The following ASTN2 variants were observed in gnomAD, a reference collection of about 807,000 sequenced individuals.
ASTN2 encodes the protein astrotactin-2.
A neutral mutation model predicts 139.8 loss-of-function variants in ASTN2; 54 were observed. The ratio of observed to expected loss-of-function variants is 0.39; its 90% CI spans 0.31 to 0.48. The LOEUF is 0.48. Among genes scored for constraint, ASTN2 ranks in the 20% least tolerant of loss-of-function variants. The probability of loss-of-function intolerance (pLI) is 0.95; values close to 1 mark genes in which losing one functional copy is unlikely to be tolerated. For synonymous variants in ASTN2, 756 were observed against 719.5 expected (o/e 1.05, Z -0.81); for missense variants, 1,565 against 1,725.1 (o/e 0.91, Z 1.64).
At chr9:117,048,611 A>C (rs967632667) in intron 5 of ASTN2, among the ~76,000 whole-genome samples, 1 of 152,214 alleles carries the variant, frequency 6.6e-6, no homozygotes, top group Non-Finnish European at 1.5e-5. Flanking sequence ...TTGCAAGTGC[A>C]AAGGTCACTA....
chr9:116,640,218 G>A (rs913353103), intron 17 of ASTN2, among the ~76,000 whole-genome samples: 4 of 151,932 alleles, frequency 2.6e-5, no homozygotes, highest in African/African-American at 9.7e-5. Context: ...AATAGACTAG[G>A]GTTGGGTTGG....
intron 19 of ASTN2, among the ~76,000 whole-genome samples, chr9:116,502,433 G>C (rs1849897184): frequency 6.6e-6 from 1 of 151,768 alleles, no homozygotes; most frequent in Admixed American, 6.6e-5. Flanking sequence ...AGAGACAGAG[G>C]AGAAATGGAG....
At chr9:116,670,998 A>G (rs1859163366) in intron 16 of ASTN2, among the ~76,000 whole-genome samples, 1 of 152,182 alleles carries the variant, frequency 6.6e-6, no homozygotes, top group Admixed American at 6.5e-5. Context: ...AAAAAAATGT[A>G]TCTGCACAAG....
intron 20 of ASTN2, among the ~76,000 whole-genome samples, chr9:116,487,049 C>T (rs1318046421): frequency 6.6e-6 from 1 of 152,112 alleles, no homozygotes; most frequent in Non-Finnish European, 1.5e-5. Flanking sequence ...CCCAACCATC[C>T]TTGATAACTT....
rs2130987502 is a variant in ASTN2 at position 117,414,178 on chromosome 9, G to C, written c.442+319C>G. Reference sequence around the variant, plus strand: ...TCTGGGATGCTCCGGCCCCTAGCCAGAGCACCTTCAGTGAATGGGGTCTCC... The same window carrying C: ...TCTGGGATGCTCCGGCCCCTAGCCACAGCACCTTCAGTGAATGGGGTCTCC... On this transcript the variant is annotated intron_variant, in intron 1 of 22. Transcript: ENST00000313400. This position sits in a 1 kb window ranked among gnomAD's most constrained non-coding sequence, Gnocchi z 4.2. Among the ~76,000 whole-genome samples the C allele has an allele frequency of 6.6e-6, 1 of 152,104 alleles. No individual in the cohort carries two copies. The highest frequency in any genetic ancestry group is 2.0e-4 in the East Asian group (1 of 5,084).
chr9:116,664,511 C>T (rs965135604), intron 16 of ASTN2, among the ~76,000 whole-genome samples: 4 of 150,546 alleles, frequency 2.7e-5, no homozygotes, highest in Non-Finnish European at 5.9e-5. Flanking sequence ...CAATAGTTAT[C>T]TACAGGGGAA....
intron 10 of ASTN2, among the ~76,000 whole-genome samples, chr9:116,919,940 C>CAA (rs35192686): frequency 1.1e-4 from 14 of 128,864 alleles, no homozygotes; most frequent in African/African-American, 2.5e-4. Context: ...GAATCTGTCT[C>CAA]AAAAAAAAAA....
intron 2 of ASTN2, among the ~76,000 whole-genome samples, chr9:117,249,956 C>A (rs1342854855): frequency 6.6e-6 from 1 of 152,192 alleles, no homozygotes; most frequent in African/African-American, 2.4e-5. Flanking sequence ...TAGAAACTCA[C>A]TAACCGCCCA....
intron 19 of ASTN2, among the ~76,000 whole-genome samples, chr9:116,564,861 C>T (rs2131671601): frequency 6.6e-6 from 1 of 152,150 alleles, no homozygotes; most frequent in Admixed American, 6.5e-5. Context: ...TTCATAAATG[C>T]ATACACAGAT....
intron 2 of ASTN2, among the ~76,000 whole-genome samples, chr9:117,261,389 A>G (rs1017203789): frequency 9.2e-5 from 14 of 152,282 alleles, no homozygotes; most frequent in African/African-American, 3.4e-4. Context: ...TAGGCAGCAG[A>G]TCTGTTCAAT....
At chr9:117,271,928 G>A (rs1030853928) in intron 2 of ASTN2, among the ~76,000 whole-genome samples, 15 of 152,266 alleles carry the variant, frequency 9.9e-5, no homozygotes, top group African/African-American at 3.6e-4. Context: ...CACTGCACAA[G>A]CTGTTGATGG....
intron 11 of ASTN2, among the ~76,000 whole-genome samples, chr9:116,839,793 C>T (rs1351502054): frequency 2.6e-5 from 4 of 151,550 alleles, no homozygotes; most frequent in African/African-American, 9.7e-5. Context: ...TCCTCAGCCT[C>T]CTGAGTAGCC....
At chr9:117,384,115 T>A (rs1468687258) in intron 1 of ASTN2, among the ~76,000 whole-genome samples, 1 of 152,066 alleles carries the variant, frequency 6.6e-6, no homozygotes, top group Non-Finnish European at 1.5e-5. Flanking sequence ...ATATGGGCGG[T>A]GGGACTGAGC....
chr9:116,735,755 G>A (rs1382303409), intron 13 of ASTN2, among the ~76,000 whole-genome samples: 1 of 152,256 alleles, frequency 6.6e-6, no homozygotes, highest in Admixed American at 6.5e-5. Flanking sequence ...GGCTAAGGGT[G>A]AGGAGGTAGC....
chr9:117,134,416 G>T (rs1010196226), intron 4 of ASTN2, among the ~76,000 whole-genome samples: 1 of 151,242 alleles, frequency 6.6e-6, no homozygotes, highest in African/African-American at 2.4e-5. Context: ...AAGGATAAAG[G>T]AGCCAGAATT....
rs537046356 is a variant in ASTN2, at chr9:117,390,533, A to T, written c.442+23964T>A. On this transcript the variant is annotated intron_variant, in intron 1 of 22. Transcript: ENST00000313400. ...CCCTCCCTACTAGTCCTGACAACTG[A>T]TCTTTTTCTTGTCTCCATAGTCTTG... 9.2e-5 allele frequency among the ~76,000 whole-genome samples: 14 copies of T among 152,250 alleles called. No homozygotes were observed. In the South Asian group the frequency reaches 1.4e-3, roughly 16 times the overall value.
chr9:117,382,393 G>A (rs556803471), intron 1 of ASTN2, among the ~76,000 whole-genome samples: 1 of 152,312 alleles, frequency 6.6e-6, no homozygotes, highest in African/African-American at 2.4e-5. Flanking sequence ...GCCAGAGACT[G>A]AACAAGGCAT....
intron 1 of ASTN2, among the ~76,000 whole-genome samples, chr9:117,324,269 G>A (rs541234104): frequency 6.6e-6 from 1 of 152,272 alleles, no homozygotes; most frequent in African/African-American, 2.4e-5. Flanking sequence ...GGAAACAATA[G>A]ATCCAAATAT....
chr9:116,660,609 C>A (rs1426950296), intron 16 of ASTN2, among the ~76,000 whole-genome samples: 1 of 152,186 alleles, frequency 6.6e-6, no homozygotes, highest in Admixed American at 6.5e-5. Context: ...TGGCATTCAT[C>A]CTAGCATTAT....
Sources: gnomAD v4.1 joint callset for allele counts (sites outside exome capture counted in the v4.1 genomes callset) on GRCh38, gnomAD v4.1.1 for gene constraint, Gnocchi (gnomAD v3.1) non-coding constraint, MANE v1.5 for transcripts, NCBI Gene and HGNC (gene_info 2026-07-23, HGNC 2026-07-21) for gene names.